Variants in HERC4 observed in about 807,000 individuals in gnomAD.
HERC4 encodes the protein probable E3 ubiquitin-protein ligase HERC4.
HERC4 carries 28 observed loss-of-function variants against 124.3 expected under a neutral mutation model. That is an observed-to-expected ratio of 0.23 (90% CI 0.17 to 0.31). HERC4 has a LOEUF of 0.31. Ranked by LOEUF, HERC4 falls within the 10% of genes least tolerant of loss-of-function variation. The probability of loss-of-function intolerance (pLI) is 1.00; values close to 1 mark genes in which losing one functional copy is unlikely to be tolerated. For synonymous variants in HERC4, 407 were observed against 421.5 expected, an observed-to-expected ratio of 0.97 and a Z score of 0.42; for missense variants, 713 against 1,229.3, an observed-to-expected ratio of 0.58 and a Z score of 6.28.
chr10:68,071,422 T>C (rs931744528), intron 3 of HERC4, among the ~76,000 whole-genome samples: 4 of 152,254 alleles, frequency 2.6e-5, no homozygotes, highest in South Asian at 4.1e-4. Context: ...TTTTACTTTC[T>C]ACTTGCCCTA....
intron 3 of HERC4, among the ~76,000 whole-genome samples, 154 bp downstream of exon 3, chr10:68,072,729 T>C (rs1416116365): frequency 6.6e-6 from 1 of 152,106 alleles, no homozygotes; most frequent in East Asian, 1.9e-4. Flanking sequence ...CTTAGAACCA[T>C]ACAAATATAC....
chr10:68,000,287 T>C (rs1236286273), intron 9 of HERC4, among the ~76,000 whole-genome samples: 3 of 151,946 alleles, frequency 2.0e-5, no homozygotes, highest in Admixed American at 2.0e-4. Context: ...TCCTAAAACT[T>C]TGTATATTGG....
chr10:67,969,368 T>G (rs1422532166), intron 15 of HERC4, among the ~76,000 whole-genome samples: 3 of 152,050 alleles, frequency 2.0e-5, no homozygotes, highest in Non-Finnish European at 2.9e-5. Context: ...AGCTTGATAG[T>G]ATGAAACCCC....
At chr10:67,953,402 A>C (rs900232979) in intron 19 of HERC4, among the ~76,000 whole-genome samples, 1 of 152,220 alleles carries the variant, frequency 6.6e-6, no homozygotes, top group Admixed American at 6.5e-5. Flanking sequence ...AGTAATCATA[A>C]TATTGGTGGT....
chr10:68,038,048 C>T (rs373244582), intron 5 of HERC4, 45 bp downstream of exon 5: 15 of 1,057,356 alleles, frequency 1.4e-5, no homozygotes, highest in Non-Finnish European at 2.0e-5. Context: ...AAAAAAGTAT[C>T]AAGTAATAAA....
intron 4 of HERC4, chr10:68,039,719 GCAAA>G (rs903656527): frequency 2.3e-6 from 3 of 1,330,056 alleles, no homozygotes; most frequent in Non-Finnish European, 1.9e-6. Context: ...CACTGGCAAT[GCAAA>G]CAGAGTAAGG....
At chr10:67,979,087 C>T (rs1313806418) in intron 15 of HERC4, among the ~76,000 whole-genome samples, 5 of 152,116 alleles carry the variant, frequency 3.3e-5, no homozygotes, top group Admixed American at 1.3e-4. Flanking sequence ...AGAGGAACAT[C>T]TGTTAAGTTA....
chr10:68,002,889 C>A (rs1433248871), intron 9 of HERC4, among the ~76,000 whole-genome samples: 10 of 151,640 alleles, frequency 6.6e-5, no homozygotes, highest in Admixed American at 6.6e-4. Context: ...CCTGAGCCAC[C>A]GTGCCTAGCC....
chr10:68,055,241 TCAA>T (rs1350848132), intron 3 of HERC4, among the ~76,000 whole-genome samples: 3 of 152,178 alleles, frequency 2.0e-5, no homozygotes, highest in African/African-American at 7.2e-5. Flanking sequence ...AACTAAAACA[TCAA>T]TAAATTAAAA....
intron 15 of HERC4, among the ~76,000 whole-genome samples, chr10:67,972,282 G>A (rs921722019): frequency 2.0e-5 from 3 of 150,734 alleles, no homozygotes; most frequent in Non-Finnish European, 4.4e-5. Context: ...AGCACTTTGG[G>A]AGGCCGAGGT....
chr10:68,030,232 G>A (rs1377327746), intron 7 of HERC4, among the ~76,000 whole-genome samples: 1 of 151,686 alleles, frequency 6.6e-6, no homozygotes, highest in Non-Finnish European at 1.5e-5. Flanking sequence ...TTGAGGTCAG[G>A]AGTTCAAGAC....
intron 3 of HERC4, among the ~76,000 whole-genome samples, chr10:68,060,318 A>G (rs904740597): frequency 6.6e-6 from 1 of 151,794 alleles, no homozygotes; most frequent in African/African-American, 2.4e-5. Flanking sequence ...ATTCACTGCA[A>G]CCTCTGCTTC....
intron 3 of HERC4, among the ~76,000 whole-genome samples, chr10:68,052,488 T>G (rs1318261960): frequency 6.6e-6 from 1 of 152,216 alleles, no homozygotes; most frequent in African/African-American, 2.4e-5. Flanking sequence ...CTTCAGTGTT[T>G]GTTTGCTTAC....
At chr10:67,982,113 T>A (rs914378639) in intron 15 of HERC4, among the ~76,000 whole-genome samples, 1 of 151,890 alleles carries the variant, frequency 6.6e-6, no homozygotes, top group African/African-American at 2.4e-5. Flanking sequence ...GGAAACACAA[T>A]CCTAAAATTT....
At chr10:68,006,375 G>T (rs1279301307) in intron 9 of HERC4, among the ~76,000 whole-genome samples, 59 of 133,998 alleles carry the variant, frequency 4.4e-4, no homozygotes, top group Middle Eastern at 3.7e-3. Context: ...TTTTGTTTTT[G>T]TTTTTTTTTT....
intron 15 of HERC4, among the ~76,000 whole-genome samples, chr10:67,968,170 C>T (rs2035004033): frequency 6.6e-6 from 1 of 152,140 alleles, no homozygotes; most frequent in South Asian, 2.1e-4. Context: ...GCTGCCAGCA[C>T]AGCCAGACAG....
At chr10:68,058,584 T>C (rs2040672782) in intron 3 of HERC4, among the ~76,000 whole-genome samples, 1 of 152,132 alleles carries the variant, frequency 6.6e-6, no homozygotes, top group Admixed American at 6.6e-5. Flanking sequence ...CTTTGCACTG[T>C]TAGGTTTTAT....
In HERC4 at chr10:67,927,417, TATATATA is replaced by T. The variant is rs1391546135; in HGVS notation, c.2839-2237_2839-2231del. On this transcript the variant is annotated intron_variant, in intron 23 of 24. Coordinates refer to ENST00000373700, the MANE Select transcript of HERC4 (RefSeq NM_015601.4). ...ATATATATATATATATATATATATATATATATATATATATTTTTTTTTTTTTTTAGAT... is the reference window on the plus strand; with the variant it reads ...ATATATATATATATATATATATATATTATATATTTTTTTTTTTTTTTAGAT... Among the ~76,000 whole-genome samples, 84 of 11,332 alleles carry T rather than the reference TATATATA, an allele frequency of 7.4e-3. 5 individuals carry two copies. Among genetic ancestry groups the T allele is most frequent in the East Asian group, 0.035 (33 of 950 alleles). The allele number at this position is 11,332 out of a possible 152,430, so 7.4% of individuals were successfully genotyped here. A position where few individuals can be genotyped will look rare whatever the true frequency, so the allele number is the denominator to read the frequency against.
chr10:67,985,814 T>C (rs2036228906), intron 15 of HERC4, among the ~76,000 whole-genome samples: 1 of 152,184 alleles, frequency 6.6e-6, no homozygotes, highest in Non-Finnish European at 1.5e-5. Context: ...TCAAAAACTT[T>C]CCAAAGGACA....
Sources: allele counts gnomAD v4.1 joint callset (sites outside exome capture counted in the v4.1 genomes callset), GRCh38; gene constraint gnomAD v4.1.1; transcripts MANE v1.5; gene names NCBI Gene and HGNC (gene_info 2026-07-23, HGNC 2026-07-21).